Variants in ZNF248 observed in about 807,000 individuals in gnomAD.
ZNF248 encodes the protein zinc finger protein 248, also known as KRAB protein domain.
ZNF248 carries 20 observed loss-of-function variants against 44.3 expected under a neutral mutation model. The observed-to-expected ratio is 0.45, with a 90% CI of 0.32 to 0.66. ZNF248 has a LOEUF of 0.66. Among genes scored for constraint, ZNF248 ranks in the 30% least tolerant of loss-of-function variants. The pLI, the probability that ZNF248 is intolerant of heterozygous loss-of-function variation, is 0.04. For synonymous variants in ZNF248, 224 were observed against 229.0 expected, an observed-to-expected ratio of 0.98 and a Z score of 0.20; for missense variants, 654 against 677.0, an observed-to-expected ratio of 0.97 and a Z score of 0.38.
At chr10:37,791,442 C>T (rs1427374450) in intron 6 of ZNF248, 1 of 152,166 alleles carries the variant, frequency 6.6e-6, no homozygotes, top group African/African-American at 2.4e-5. Flanking sequence ...TTTTAGCACA[C>T]TATTACTTTC....
At chr10:37,767,987 T>G in the ZNF248 span, among the ~76,000 whole-genome samples, 1 of 152,224 alleles carries the variant, frequency 6.6e-6, no homozygotes, top group African/African-American at 2.4e-5. Flanking sequence ...TAGTCTCTGA[T>G]AAAACAGACT....
intron 6 of ZNF248, chr10:37,820,457 C>A: frequency 6.3e-7 from 1 of 1,590,480 alleles, no homozygotes; most frequent in Non-Finnish European, 8.6e-7. Context: ...GCCATCTAAA[C>A]CACAGAGGGG....
At chr10:37,796,162 G>A (rs1363788993) in intron 6 of ZNF248, 1 of 151,950 alleles carries the variant, frequency 6.6e-6, no homozygotes, top group East Asian at 1.9e-4. Context: ...ATAAAAGGGG[G>A]GGAAGCAAGC....
At chr10:37,790,672 T>C (rs1032409130) in intron 6 of ZNF248, among the ~76,000 whole-genome samples, 2 of 151,682 alleles carry the variant, frequency 1.3e-5, no homozygotes, top group Non-Finnish European at 2.9e-5. Flanking sequence ...ATGGCATCAC[T>C]GCACTCCAGC....
At chr10:37,771,949 T>A (rs1467938541), downstream of ZNF248, among the ~76,000 whole-genome samples, 5 of 152,050 alleles carry the variant, frequency 3.3e-5, no homozygotes, top group Non-Finnish European at 7.4e-5. Context: ...AACAAACCCC[T>A]AAGACATTTT....
intron 5 of ZNF248, among the ~76,000 whole-genome samples, chr10:37,834,408 A>G (rs960056326): frequency 1.3e-5 from 2 of 152,206 alleles, no homozygotes; most frequent in African/African-American, 4.8e-5. Flanking sequence ...CTGATCAGCT[A>G]TAATACACGA....
At chr10:37,816,516 T>C (rs1351882180) in intron 6 of ZNF248, among the ~76,000 whole-genome samples, 1 of 152,218 alleles carries the variant, frequency 6.6e-6, no homozygotes, top group Non-Finnish European at 1.5e-5. Context: ...CTGAGGTCAG[T>C]ACTGGAGGTT....
intron 3 of ZNF248, among the ~76,000 whole-genome samples, chr10:37,843,131 C>G (rs561744954): frequency 6.6e-6 from 1 of 152,052 alleles, no homozygotes; most frequent in Non-Finnish European, 1.5e-5. Flanking sequence ...ACATATAGAA[C>G]AAGGAAACCA....
intron 6 of ZNF248, chr10:37,795,620 T>G (rs563856560): frequency 6.6e-6 from 1 of 152,202 alleles, no homozygotes; most frequent in African/African-American, 2.4e-5. Flanking sequence ...ATGACTGATA[T>G]CCTTTCCATT....
At chr10:37,827,803 C>T (rs1156793602), downstream of ZNF248, among the ~76,000 whole-genome samples, 2 of 152,126 alleles carry the variant, frequency 1.3e-5, no homozygotes, top group Non-Finnish European at 2.9e-5. Flanking sequence ...AAGGGCTGAA[C>T]CCTCCCAGAA....
intron 6 of ZNF248, among the ~76,000 whole-genome samples, chr10:37,808,604 ATGTTC>A (rs2050975814): frequency 6.6e-6 from 1 of 152,038 alleles, no homozygotes; most frequent in Non-Finnish European, 1.5e-5. Context: ...TCTTTTCAAC[ATGTTC>A]CTGAACTCAG....
chr10:37,759,547 G>C, the ZNF248 span, among the ~76,000 whole-genome samples: 1 of 152,194 alleles, frequency 6.6e-6, no homozygotes, highest in African/African-American at 2.4e-5. Flanking sequence ...CACTCACCCT[G>C]GCAAAAGGCC....
At chr10:37,833,676 T>C (rs950516494) in intron 5 of ZNF248, among the ~76,000 whole-genome samples, 4 of 152,144 alleles carry the variant, frequency 2.6e-5, no homozygotes, top group Non-Finnish European at 5.9e-5. Flanking sequence ...TTCCTTGGAT[T>C]CAAAAGAACA....
At chr10:37,780,765 G>A (rs1045311756) in intron 6 of ZNF248, among the ~76,000 whole-genome samples, 5 of 152,024 alleles carry the variant, frequency 3.3e-5, no homozygotes, top group African/African-American at 9.7e-5. Context: ...GGGACACCCC[G>A]CCCCCGCTCC....
the ZNF248 span, among the ~76,000 whole-genome samples, chr10:37,768,495 AC>A: frequency 6.6e-6 from 1 of 152,214 alleles, no homozygotes; most frequent in Non-Finnish European, 1.5e-5. Context: ...CTACATGGAA[AC>A]TGAACAACCT....
At chr10:37,784,471 TA>T (rs1761820293) in intron 6 of ZNF248, among the ~76,000 whole-genome samples, 1 of 152,248 alleles carries the variant, frequency 6.6e-6, no homozygotes, top group Admixed American at 6.5e-5. Context: ...TCTCCCTGGC[TA>T]AATTGGTAAA....
chr10:37,797,043 T>C (rs1344630819), intron 6 of ZNF248, among the ~76,000 whole-genome samples: 2 of 152,198 alleles, frequency 1.3e-5, no homozygotes, highest in African/African-American at 2.4e-5. Context: ...GATTTAATCC[T>C]CACAACCCTT....
intron 6 of ZNF248, among the ~76,000 whole-genome samples, chr10:37,797,948 C>T (rs1441776235): frequency 2.6e-5 from 4 of 152,080 alleles, no homozygotes; most frequent in Non-Finnish European, 4.4e-5. Flanking sequence ...CTCAGCAAGT[C>T]TACTCCTAGG....
chr10:37,836,127 A>G (rs1172744059), intron 5 of ZNF248, among the ~76,000 whole-genome samples: 1 of 152,050 alleles, frequency 6.6e-6, no homozygotes, highest in Non-Finnish European at 1.5e-5. Flanking sequence ...CATCTTCAAA[A>G]TATTTGTACA....
Sources: gnomAD v4.1 joint callset for allele counts (sites outside exome capture counted in the v4.1 genomes callset) on GRCh38, gnomAD v4.1.1 for gene constraint, MANE v1.5 for transcripts, NCBI Gene and HGNC (gene_info 2026-07-23, HGNC 2026-07-21) for gene names.